Variants in PLCE1 observed in about 807,000 individuals in gnomAD.
PLCE1 encodes phospholipase C epsilon 1.
A neutral mutation model predicts 242.8 loss-of-function variants in PLCE1; 119 were observed. The observed-to-expected ratio is 0.49, with a 90% CI of 0.42 to 0.57. The LOEUF (loss-of-function observed/expected upper bound fraction) is 0.57, where lower values mean the gene tolerates loss of function less well. PLCE1 is among the 20% of genes least tolerant of loss of function. The pLI is 0.00. For missense variants in PLCE1, 2,441 were observed against 2,788.8 expected (o/e 0.88, Z 2.81); for synonymous variants, 945 against 1,017.4 (o/e 0.93, Z 1.35).
At chr10:94,035,469 T>G (rs553152271) in intron 2 of PLCE1, among the ~76,000 whole-genome samples, 1 of 152,190 alleles carries the variant, frequency 6.6e-6, no homozygotes. Flanking sequence ...AAAGGGATGA[T>G]GCAAATTGTC....
chr10:94,006,368 T>C (rs1262728225), intron 1 of PLCE1, among the ~76,000 whole-genome samples: 2 of 152,216 alleles, frequency 1.3e-5, no homozygotes, highest in Non-Finnish European at 1.5e-5. Flanking sequence ...CTTTACCTTT[T>C]AGAAGGTAAG....
chr10:94,320,696 C>T (rs957146171), intron 29 of PLCE1, among the ~76,000 whole-genome samples: 1 of 152,178 alleles, frequency 6.6e-6, no homozygotes, highest in African/African-American at 2.4e-5. Flanking sequence ...TTTACCTCTC[C>T]CTGCCCTTTT....
chr10:94,177,112 T>C lies in PLCE1; in HGVS notation c.1809+5616T>C, dbSNP rs571298635. On this transcript the variant is annotated intron_variant, in intron 4 of 32. Transcript: ENST00000371380. ...ACAACTCTCTACACAATGACTTAAC[T>C]GTAATGTGAGAAAAAGGAAGAAAAT... 3.3e-5 allele frequency among the ~76,000 whole-genome samples: 5 copies of C among 152,324 alleles called. No homozygotes were observed. The East Asian group carries it at 5.8e-4, about 18-fold the overall frequency.
In PLCE1 at chr10:94,175,054, T is replaced by TA. The variant is rs1003319190; in HGVS notation, c.1809+3567dup. 6.2e-4 allele frequency among the ~76,000 whole-genome samples: 94 copies of TA among 151,726 alleles called. No individual in the cohort carries two copies. In the East Asian group the frequency reaches 0.012, roughly 19 times the overall value. ...CTGTAAATCTAAAATTACTTCAAAATAAAAAAAAATTGTAAGCAGTGAGCT... is the reference window on the plus strand; with the variant it reads ...CTGTAAATCTAAAATTACTTCAAAATAAAAAAAAAATTGTAAGCAGTGAGCT... On this transcript the variant is annotated intron_variant, in intron 4 of 32. Transcript: ENST00000371380.
At chr10:94,252,851 C>T (rs1304308057) in intron 9 of PLCE1, among the ~76,000 whole-genome samples, 2 of 152,042 alleles carry the variant, frequency 1.3e-5, no homozygotes, top group South Asian at 2.1e-4. Flanking sequence ...TCTTGAAGAA[C>T]GTGTAGGATT....
At chr10:94,231,591 T>TA (rs35911886) in intron 5 of PLCE1, among the ~76,000 whole-genome samples, 50,431 of 130,494 alleles carry the variant, frequency 0.39, 8,900 homozygotes, top group Admixed American at 0.45. Flanking sequence ...TAAGGCTGTA[T>TA]AAAAAAAAAA....
chr10:94,318,208 C>T (rs970579071), intron 29 of PLCE1, among the ~76,000 whole-genome samples: 1 of 152,182 alleles, frequency 6.6e-6, no homozygotes, highest in Non-Finnish European at 1.5e-5. Flanking sequence ...TTAAGACACA[C>T]TAATTGCTAA....
chr10:94,291,858 G>A (rs1185164608), intron 22 of PLCE1, among the ~76,000 whole-genome samples: 1 of 152,004 alleles, frequency 6.6e-6, no homozygotes, highest in African/African-American at 2.4e-5. Context: ...TTATTTTTCT[G>A]GGCCCCTTCT....
chr10:94,184,199 C>G (rs938115366), intron 4 of PLCE1, among the ~76,000 whole-genome samples: 3 of 152,190 alleles, frequency 2.0e-5, no homozygotes, highest in African/African-American at 7.2e-5. Flanking sequence ...TCGGGGTGAT[C>G]ATTTATAAGC....
chr10:94,320,280 GTATT>G (rs2053749269), intron 29 of PLCE1, among the ~76,000 whole-genome samples: 1 of 151,902 alleles, frequency 6.6e-6, no homozygotes, highest in Non-Finnish European at 1.5e-5. Flanking sequence ...ATATAATGGA[GTATT>G]CATTCATGGG....
At chr10:94,291,663 G>A (rs767237672) in intron 22 of PLCE1, among the ~76,000 whole-genome samples, 22 of 152,074 alleles carry the variant, frequency 1.4e-4, no homozygotes, top group Non-Finnish European at 2.5e-4. Context: ...GCACATCGTC[G>A]GGAGCATGGT....
chr10:94,083,531 G>A (rs1031769035), intron 2 of PLCE1, among the ~76,000 whole-genome samples: 1 of 152,174 alleles, frequency 6.6e-6, no homozygotes, highest in Non-Finnish European at 1.5e-5. Flanking sequence ...GCATGTGATA[G>A]ACCAGAACCT....
chr10:94,226,838 T>C (rs1589380688), intron 4 of PLCE1, among the ~76,000 whole-genome samples: 1 of 138,978 alleles, frequency 7.2e-6, no homozygotes, highest in South Asian at 2.5e-4. Context: ...GGTCTTTTTT[T>C]TTTTTTTTTT....
chr10:94,009,227 G>A (rs2061115659), intron 1 of PLCE1, among the ~76,000 whole-genome samples: 1 of 152,160 alleles, frequency 6.6e-6, no homozygotes, highest in Non-Finnish European at 1.5e-5. Context: ...CATGGCAAGA[G>A]CAGGGGCAAG....
intron 9 of PLCE1, 94 bp downstream of exon 9, chr10:94,252,592 GA>G: frequency 9.2e-7 from 1 of 1,081,554 alleles, no homozygotes; most frequent in Non-Finnish European, 1.4e-6. Context: ...TGTTTGGGTT[GA>G]GGACAAAGTC....
At chr10:94,320,647 C>A (rs2053765681) in intron 29 of PLCE1, among the ~76,000 whole-genome samples, 1 of 152,172 alleles carries the variant, frequency 6.6e-6, no homozygotes, top group Admixed American at 6.5e-5. Flanking sequence ...CCTGCCAAGA[C>A]CTCACTTGCT....
chr10:94,237,409 T>C (rs991749974), intron 7 of PLCE1, among the ~76,000 whole-genome samples: 2 of 152,180 alleles, frequency 1.3e-5, no homozygotes, highest in Admixed American at 6.5e-5. Flanking sequence ...CTTCAAGTGG[T>C]AACTTTCTTG....
intron 4 of PLCE1, among the ~76,000 whole-genome samples, chr10:94,226,606 T>A (rs1273693279): frequency 1.3e-5 from 2 of 152,192 alleles, no homozygotes; most frequent in Non-Finnish European, 2.9e-5. Context: ...TCCTTTGATA[T>A]TATGTATTTT....
chr10:94,154,885 T>TATATATATAC (rs2047380851), intron 3 of PLCE1, among the ~76,000 whole-genome samples: 1 of 147,232 alleles, frequency 6.8e-6, no homozygotes, highest in Non-Finnish European at 1.5e-5. Flanking sequence ...ATTTTAAATA[T>TATATATATAC]ATATATATAC....
Sources: gnomAD v4.1 joint callset for allele counts (sites outside exome capture counted in the v4.1 genomes callset) on GRCh38, gnomAD v4.1.1 for gene constraint, MANE v1.5 for transcripts, NCBI Gene and HGNC (gene_info 2026-07-23, HGNC 2026-07-21) for gene names.